The following FBXO15 variants were observed in gnomAD, a reference collection of about 807,000 sequenced individuals.
FBXO15 encodes F-box protein 15, also known as F-box only protein 15.
In FBXO15, 30 loss-of-function variants were observed where a neutral mutation model predicts 49.5. The observed-to-expected ratio is 0.61, with a 90% CI of 0.45 to 0.82. The LOEUF (loss-of-function observed/expected upper bound fraction) is 0.82, where lower values mean the gene tolerates loss of function less well. Ranked by LOEUF, FBXO15 falls within the 40% of genes least tolerant of loss-of-function variation. The pLI, the probability that FBXO15 is intolerant of heterozygous loss-of-function variation, is 0.00. For missense variants in FBXO15, 591 were observed against 631.5 expected, an observed-to-expected ratio of 0.94 and a Z score of 0.69; for synonymous variants, 250 against 232.7, an observed-to-expected ratio of 1.07 and a Z score of -0.68.
chr18:74,129,353 A>G, intron 5 of FBXO15, 52 bp downstream of exon 5: 1 of 1,478,216 alleles, frequency 6.8e-7, no homozygotes, highest in Non-Finnish European at 9.3e-7. Flanking sequence ...ATGCCAACTA[A>G]TATTTACATA....
intron 1 of FBXO15, chr18:74,147,438 G>T (rs890288162): frequency 8.7e-7 from 1 of 1,149,778 alleles, no homozygotes; most frequent in African/African-American, 1.6e-5. Flanking sequence ...CACAGGCGCC[G>T]CAAGAAAAAA....
At chr18:74,084,879 G>A (rs1471417293) in intron 8 of FBXO15, among the ~76,000 whole-genome samples, 1 of 152,110 alleles carries the variant, frequency 6.6e-6, no homozygotes, top group East Asian at 1.9e-4. Flanking sequence ...GAATGGAACT[G>A]ATAATATTAA....
chr18:74,116,872 C>A (rs17088778), intron 8 of FBXO15, among the ~76,000 whole-genome samples: 2,041 of 152,146 alleles, frequency 0.013, 45 homozygotes, highest in African/African-American at 0.047. Context: ...TCCTGCAGCT[C>A]CCTACAGCCT....
chr18:74,126,199 G>T, intron 5 of FBXO15, 98 bp from the exon 6 acceptor site: 1 of 1,494,648 alleles, frequency 6.7e-7, no homozygotes, highest in Non-Finnish European at 9.1e-7. Flanking sequence ...TGTTTGAAGA[G>T]CATGTTAATG....
intron 8 of FBXO15, among the ~76,000 whole-genome samples, chr18:74,085,187 A>G (rs965897947): frequency 5.3e-5 from 8 of 151,946 alleles, no homozygotes; most frequent in Admixed American, 3.3e-4. Flanking sequence ...TCTAAACTCC[A>G]TATGAAAATG....
In FBXO15 at chr18:74,107,000, T is replaced by C. The variant is rs1389430485; in HGVS notation, c.1138+16368A>G. Among the ~76,000 whole-genome samples, 3 of 152,124 alleles carry C rather than the reference T, an allele frequency of 2.0e-5. No individual in the cohort carries two copies. In the East Asian group the frequency reaches 5.8e-4, roughly 29 times the overall value. ...GTTCACATAATGTTGTCTAAGGATATAAACAGAGCTATATATGTGAAAATG... is the reference window on the plus strand; with the variant it reads ...GTTCACATAATGTTGTCTAAGGATACAAACAGAGCTATATATGTGAAAATG... On this transcript the variant is annotated intron_variant, in intron 8 of 9. Coordinates refer to ENST00000419743, the MANE Select transcript of FBXO15 (RefSeq NM_001142958.2).
At chr18:74,116,290 T>C (rs1015798949) in intron 8 of FBXO15, among the ~76,000 whole-genome samples, 10 of 152,234 alleles carry the variant, frequency 6.6e-5, no homozygotes, top group African/African-American at 2.4e-4. Flanking sequence ...ATAGAAAAGA[T>C]TATACTTTCT....
chr18:74,128,801 C>T (rs1015004218), intron 5 of FBXO15, among the ~76,000 whole-genome samples: 20 of 152,188 alleles, frequency 1.3e-4, no homozygotes, highest in Admixed American at 1.3e-3. Context: ...GTAAAGGGCT[C>T]ACTAAGCATT....
chr18:74,129,521 T>C lies in FBXO15; in HGVS notation c.669A>G (p.Ser223=), dbSNP rs778316161. ...EHVDLSINDT[S]VTVIWYGKKW... is the part of the protein sequence containing the mutation. Reference sequence around the variant, plus strand: ...TTTTGCCATACCATATAACAGTAACTGATGTGTCATTTATGGAAAGATCAA... The same window carrying C: ...TTTTGCCATACCATATAACAGTAACCGATGTGTCATTTATGGAAAGATCAA... The change falls in exon 5 of 10, where the codon TCA becomes TCG. Residue 223 remains serine, a synonymous_variant. Transcript: ENST00000419743. 6.2e-7 allele frequency: 1 copy of C among 1,613,910 alleles called. No homozygotes were observed. Among genetic ancestry groups the C allele is most frequent in the East Asian group, 2.2e-5 (1 of 44,844 alleles).
intron 9 of FBXO15, among the ~76,000 whole-genome samples, chr18:74,077,390 G>T (rs945450840): frequency 3.3e-5 from 5 of 152,160 alleles, no homozygotes; most frequent in African/African-American, 7.2e-5. Flanking sequence ...ACTAATCCCT[G>T]ATGGGAGAGT....
intron 3 of FBXO15, among the ~76,000 whole-genome samples, chr18:74,134,366 ATTTT>A (rs34748425): frequency 1.7e-5 from 2 of 119,258 alleles, no homozygotes; most frequent in African/African-American, 3.2e-5. Flanking sequence ...GACCTGGAGA[ATTTT>A]TTTTTTTTTT....
At chr18:74,101,372 A>G (rs1200647831) in intron 8 of FBXO15, among the ~76,000 whole-genome samples, 10 of 152,132 alleles carry the variant, frequency 6.6e-5, no homozygotes, top group Admixed American at 6.5e-4. Context: ...TTATGATTAG[A>G]GCTCTCAGCA....
intron 8 of FBXO15, among the ~76,000 whole-genome samples, chr18:74,115,703 T>G (rs1222683946): frequency 1.3e-5 from 2 of 152,242 alleles, no homozygotes; most frequent in African/African-American, 4.8e-5. Flanking sequence ...TTTTAAAGGA[T>G]GAAGATATAC....
chr18:74,100,069 A>T (rs891021314), intron 8 of FBXO15: 5 of 152,222 alleles, frequency 3.3e-5, no homozygotes, highest in Non-Finnish European at 7.3e-5. Flanking sequence ...AAATGGACAT[A>T]ACAGATACTT....
intron 8 of FBXO15, among the ~76,000 whole-genome samples, chr18:74,083,266 T>C (rs527776891): frequency 2.6e-5 from 4 of 152,212 alleles, no homozygotes; most frequent in East Asian, 3.9e-4. Flanking sequence ...TCCCCAGGCA[T>C]AGGAAGAAAT....
intron 1 of FBXO15, among the ~76,000 whole-genome samples, chr18:74,142,339 G>A (rs948645657): frequency 6.6e-6 from 1 of 152,178 alleles, no homozygotes; most frequent in Non-Finnish European, 1.5e-5. Flanking sequence ...CAGGAGAAAA[G>A]CTTAGGCTCC....
intron 8 of FBXO15, chr18:74,096,906 C>G (rs1479126632): frequency 6.6e-6 from 1 of 152,220 alleles, no homozygotes; most frequent in East Asian, 1.9e-4. Context: ...CTGTGAGTAC[C>G]CAAGCTATGG....
chr18:74,086,901 G>A (rs1555675916), intron 8 of FBXO15, among the ~76,000 whole-genome samples: 1 of 152,154 alleles, frequency 6.6e-6, no homozygotes, highest in Non-Finnish European at 1.5e-5. Flanking sequence ...GTACTAGAGG[G>A]AAACTTAAAC....
In FBXO15 at chr18:74,087,286, A is replaced by G. The variant is rs543363639; in HGVS notation, c.1139-5235T>C. 4.6e-5 allele frequency among the ~76,000 whole-genome samples: 7 copies of G among 152,248 alleles called. No homozygotes were observed. In the East Asian group the frequency reaches 1.4e-3, roughly 29 times the overall value. ...GGGTGTGCATGTGGAGGTTTGTTAT[A>G]TAGGTAAACCGCATGTTGCAGGGGT... On this transcript the variant is annotated intron_variant, in intron 8 of 9. Coordinates refer to ENST00000419743, the MANE Select transcript of FBXO15 (RefSeq NM_001142958.2).
Sources: allele counts gnomAD v4.1 joint callset (sites outside exome capture counted in the v4.1 genomes callset), GRCh38; gene constraint gnomAD v4.1.1; transcripts MANE v1.5; gene names NCBI Gene and HGNC (gene_info 2026-07-23, HGNC 2026-07-21).